The following CCSER1 variants were observed in gnomAD, a reference collection of about 807,000 sequenced individuals.
The protein encoded by CCSER1 is coiled-coil serine rich protein 1.
Under a neutral mutation model 82.0 loss-of-function variants are expected in CCSER1, and 41 were observed. That is an observed-to-expected ratio of 0.50 (90% CI 0.39 to 0.65). The LOEUF (loss-of-function observed/expected upper bound fraction) is 0.65, where lower values mean the gene tolerates loss of function less well. Among genes scored for constraint, CCSER1 ranks in the 30% least tolerant of loss-of-function variants. CCSER1 has a pLI of 0.00. For synonymous variants in CCSER1, 414 were observed against 383.9 expected, an observed-to-expected ratio of 1.08 and a Z score of -0.92; for missense variants, 1,119 against 1,064.2, an observed-to-expected ratio of 1.05 and a Z score of -0.72.
At chr4:90,685,866 A>C (rs1452642230) in intron 6 of CCSER1, among the ~76,000 whole-genome samples, 2 of 152,174 alleles carry the variant, frequency 1.3e-5, no homozygotes, top group African/African-American at 2.4e-5. Flanking sequence ...CAAATCTGAC[A>C]GTTGTATTTG....
chr4:90,834,170 G>C (rs1373150011), intron 8 of CCSER1, among the ~76,000 whole-genome samples: 1 of 152,206 alleles, frequency 6.6e-6, no homozygotes, highest in African/African-American at 2.4e-5. Context: ...TCCTCTGTAA[G>C]ATTCCAGCAA....
rs1749269271 is a variant in CCSER1 at position 90,755,044 on chromosome 4, GGA to G, written c.2010+31056_2010+31057del. ...ATAGTAGTTGGGAGGAAATGGGGAA[GGA>G]GAAAAAAACCATACTTGCTAGCTGA... On this transcript the variant is annotated intron_variant, in intron 7 of 10. Coordinates refer to ENST00000509176, the MANE Select transcript of CCSER1 (RefSeq NM_001145065.2). Among the ~76,000 whole-genome samples the G allele has an allele frequency of 3.3e-5, 5 of 152,088 alleles. No homozygotes were observed. The South Asian group carries it at 1.0e-3, about 32-fold the overall frequency.
At chr4:91,185,001 G>T (rs538626023) in intron 10 of CCSER1, among the ~76,000 whole-genome samples, 1 of 152,270 alleles carries the variant, frequency 6.6e-6, no homozygotes, top group African/African-American at 2.4e-5. Flanking sequence ...ATATACTTCA[G>T]GGCCTTTACC....
intron 1 of CCSER1, among the ~76,000 whole-genome samples, chr4:90,142,504 G>A (rs1305455996): frequency 6.6e-6 from 1 of 152,178 alleles, no homozygotes; most frequent in Non-Finnish European, 1.5e-5. Context: ...GTTCTTTCAT[G>A]TGTGTTTTTC....
intron 3 of CCSER1, among the ~76,000 whole-genome samples, chr4:90,369,090 T>C (rs912114903): frequency 2.0e-5 from 3 of 151,768 alleles, no homozygotes; most frequent in African/African-American, 7.3e-5. Context: ...GTGGAATTAA[T>C]AAATAAAGCC....
chr4:90,877,098 A>G (rs1767310445), intron 8 of CCSER1, among the ~76,000 whole-genome samples: 1 of 152,026 alleles, frequency 6.6e-6, no homozygotes, highest in South Asian at 2.1e-4. Flanking sequence ...AACAAGAGAA[A>G]CTAGTATTGT....
chr4:90,345,150 C>T (rs767014115), intron 3 of CCSER1, among the ~76,000 whole-genome samples: 5 of 152,048 alleles, frequency 3.3e-5, no homozygotes, highest in South Asian at 2.1e-4. Context: ...TAAGAATACA[C>T]GTTTGTGTGT....
intron 10 of CCSER1, among the ~76,000 whole-genome samples, chr4:91,349,821 C>T (rs968426546): frequency 7.2e-6 from 1 of 138,560 alleles, no homozygotes; most frequent in Non-Finnish European, 1.5e-5. Context: ...ATTTTTTCCA[C>T]ACTGTGCCTT....
At chr4:91,025,371 T>C (rs1740397143) in intron 9 of CCSER1, among the ~76,000 whole-genome samples, 1 of 152,182 alleles carries the variant, frequency 6.6e-6, no homozygotes, top group Admixed American at 6.6e-5. Context: ...TTCTTAGAAA[T>C]ACATATTGAA....
In CCSER1 at chr4:90,234,761, C is replaced by G. The variant is rs557955195; in HGVS notation, c.-41-73483C>G. ...ACTGTTATTATTTCCATCTTATACA[C>G]AATAAATTTGAGGCATAGAGAGGTT... On this transcript the variant is annotated intron_variant, in intron 1 of 10. Coordinates refer to ENST00000509176, the MANE Select transcript of CCSER1 (RefSeq NM_001145065.2). Among the ~76,000 whole-genome samples the G allele has an allele frequency of 2.0e-3, 312 of 152,258 alleles. 2 individuals carry two copies. Among genetic ancestry groups the G allele is most frequent in the African/African-American group, 7.0e-3 (290 of 41,544 alleles).
intron 10 of CCSER1, among the ~76,000 whole-genome samples, chr4:91,569,758 G>A (rs943197477): frequency 6.6e-6 from 1 of 152,146 alleles, no homozygotes; most frequent in Non-Finnish European, 1.5e-5. Flanking sequence ...AAGATGAGAT[G>A]TTGGCTGGAA....
chr4:90,862,286 G>A (rs1165191771), intron 8 of CCSER1, among the ~76,000 whole-genome samples: 2 of 151,846 alleles, frequency 1.3e-5, no homozygotes, highest in Non-Finnish European at 2.9e-5. Context: ...GGCTGGTACT[G>A]TGTCCCCAAG....
rs34230137 is a variant in CCSER1, at chr4:90,581,877, CTT to C, written c.1725-46138_1725-46137del. Among the ~76,000 whole-genome samples the C allele has an allele frequency of 2.5e-3, 359 of 145,814 alleles. 2 individuals are homozygous for C. The highest frequency in any genetic ancestry group is 8.4e-3 in the African/African-American group (338 of 40,246). On this transcript the variant is annotated intron_variant, in intron 5 of 10. Transcript: ENST00000509176. ...CTTGATTTTTAGAGGAAAGGAATGA[CTT>C]TTTTTTTTTGTGATTTTTTCACAAG...
chr4:90,798,749 G>A (rs2123955), intron 7 of CCSER1, among the ~76,000 whole-genome samples: 52,914 of 152,018 alleles, frequency 0.35, 9,567 homozygotes, highest in African/African-American at 0.46. Context: ...ATTTTAGGGG[G>A]TCACTGCTTA....
intron 8 of CCSER1, among the ~76,000 whole-genome samples, chr4:90,908,060 T>C (rs1323243561): frequency 6.6e-6 from 1 of 152,118 alleles, no homozygotes; most frequent in Non-Finnish European, 1.5e-5. Flanking sequence ...GTGGAGTCAA[T>C]ATGGTACTAA....
intron 10 of CCSER1, among the ~76,000 whole-genome samples, chr4:91,264,847 A>G (rs914118794): frequency 1.3e-5 from 2 of 152,008 alleles, no homozygotes; most frequent in African/African-American, 2.4e-5. Flanking sequence ...TATAAGTAGG[A>G]GGGTAAATCC....
chr4:90,644,055 T>C (rs1451252227), intron 6 of CCSER1, among the ~76,000 whole-genome samples: 2 of 152,208 alleles, frequency 1.3e-5, no homozygotes, highest in Non-Finnish European at 2.9e-5. Context: ...GTGCCAGAGC[T>C]GAAGTTTGGG....
At chr4:90,353,296 T>C (rs1458045559) in intron 3 of CCSER1, among the ~76,000 whole-genome samples, 1 of 152,060 alleles carries the variant, frequency 6.6e-6, no homozygotes, top group Non-Finnish European at 1.5e-5. Context: ...GAATTGAGGA[T>C]TAAAAATTAT....
intron 10 of CCSER1, among the ~76,000 whole-genome samples, chr4:91,128,925 A>G (rs546278134): frequency 4.9e-4 from 75 of 152,238 alleles, no homozygotes; most frequent in African/African-American, 1.8e-3. Context: ...CTAACAGAAG[A>G]CCTAACTGAA....
Sources: allele counts gnomAD v4.1 joint callset (sites outside exome capture counted in the v4.1 genomes callset), GRCh38; gene constraint gnomAD v4.1.1; transcripts MANE v1.5; gene names NCBI Gene and HGNC (gene_info 2026-07-23, HGNC 2026-07-21).